The following RASGRF2 variants were observed in gnomAD, a reference collection of about 807,000 sequenced individuals.
The protein encoded by RASGRF2 is ras-specific guanine nucleotide-releasing factor 2.
Under a neutral mutation model 151.0 loss-of-function variants are expected in RASGRF2, and 76 were observed. That is an observed-to-expected ratio of 0.50 (90% CI 0.42 to 0.61). RASGRF2 has a LOEUF of 0.61. RASGRF2 is among the 20% of genes least tolerant of loss of function. RASGRF2 has a pLI of 0.00. For synonymous variants in RASGRF2, 504 were observed against 566.5 expected (o/e 0.89, Z 1.57); for missense variants, 1,148 against 1,564.6 (o/e 0.73, Z 4.49).
At chr5:81,105,382 T>A (rs1752818202) in intron 12 of RASGRF2, among the ~76,000 whole-genome samples, 1 of 152,146 alleles carries the variant, frequency 6.6e-6, no homozygotes, top group African/African-American at 2.4e-5. Flanking sequence ...GACCCAGGTC[T>A]GTGACTCTGG....
chr5:81,099,900 C>CTT (rs1009618364), intron 12 of RASGRF2, among the ~76,000 whole-genome samples: 1 of 127,644 alleles, frequency 7.8e-6, no homozygotes, highest in African/African-American at 3.1e-5. Context: ...CACTATTTTT[C>CTT]TTTTTTCTTT....
At position 80,961,150 on chromosome 5, in the gene RASGRF2, C is replaced by T. The variant is rs1747539934; in HGVS notation, c.288+124C>T. The T allele has an allele frequency of 7.9e-6, 9 of 1,145,160 alleles. No homozygotes were observed. In the African/African-American group the frequency reaches 1.3e-4, roughly 16 times the overall value. The allele number at this position is 1,145,160 out of a possible 1,614,324, so 70.9% of individuals were successfully genotyped here. On this transcript the variant is annotated intron_variant, in intron 1 of 26. Transcript: ENST00000265080. ...CGGGGACTATGCTCCGAAATCCCCC[C>T]GCGTCACCAGTGGCGGGACATCTCC...
At chr5:81,154,644 C>T (rs935164282) in intron 17 of RASGRF2, among the ~76,000 whole-genome samples, 9 of 152,060 alleles carry the variant, frequency 5.9e-5, no homozygotes, top group East Asian at 5.8e-4. Flanking sequence ...AGGTATGTTT[C>T]GAGAACACAG....
At position 81,094,964 on chromosome 5, in the gene RASGRF2, A is replaced by C; in HGVS notation, c.1727A>C (p.Lys576Thr). The C allele has an allele frequency of 6.4e-7, 1 of 1,573,390 alleles. No individual in the cohort carries two copies. The highest frequency in any genetic ancestry group is 8.6e-7 in the Non-Finnish European group (1 of 1,159,546). The change falls in exon 12 of 27, where the codon AAA becomes ACA. Residue 576 changes from lysine to threonine, a missense_variant. Lys to Thr is a moderately conservative substitution (Grantham distance 78, BLOSUM62 -1). Coordinates refer to ENST00000265080, the MANE Select transcript of RASGRF2 (RefSeq NM_006909.3). ...VVLLAPSRQE[K>T]AAWMSDISQC... ...TTGTTAGCACCCTCACGCCAGGAGAAAGCTGCCTGGATGAGTGACATCAGT... is the reference window on the plus strand; with the variant it reads ...TTGTTAGCACCCTCACGCCAGGAGACAGCTGCCTGGATGAGTGACATCAGT...
rs1753027668 is a variant in RASGRF2, at chr5:81,112,603, C to A, written c.1839-7C>A. 1 of 1,614,040 alleles carries A rather than the reference C, an allele frequency of 6.2e-7. No individual in the cohort carries two copies. Among genetic ancestry groups the A allele is most frequent in the Non-Finnish European group, 8.5e-7 (1 of 1,179,932 alleles). ...TTTTACCATCATGTTCCTGCCTTTG[C>A]ACGTAGGTCTGATGCCCGTCTTCAT... On this transcript the variant is annotated splice_polypyrimidine_tract_variant and splice_region_variant and intron_variant, in intron 13 of 26. Coordinates refer to ENST00000265080, the MANE Select transcript of RASGRF2 (RefSeq NM_006909.3).
intron 13 of RASGRF2, 74 bp downstream of exon 13, chr5:81,109,152 A>G (rs1160089326): frequency 6.5e-7 from 1 of 1,532,162 alleles, no homozygotes; most frequent in East Asian, 2.3e-5. Flanking sequence ...CTTGAATAAA[A>G]TACTGTGTCA....
At position 81,225,920 on chromosome 5, in the gene RASGRF2, G is replaced by A. The variant is rs1004753483; in HGVS notation, c.*150G>A. ...ACCAGACTGGAATTCTGTCTCCAGA[G>A]AGAAACCCAGCTGTTTGGGTCAAAG... On this transcript the variant is annotated 3_prime_UTR_variant, in exon 27 of 27. Coordinates refer to ENST00000265080, the MANE Select transcript of RASGRF2 (RefSeq NM_006909.3). The A allele has an allele frequency of 5.8e-5, 47 of 813,982 alleles. No individual in the cohort carries two copies. Among genetic ancestry groups the A allele is most frequent in the Admixed American group, 1.2e-4 (3 of 25,692 alleles). The allele number at this position is 813,982 out of a possible 1,614,324, so 50.4% of individuals were successfully genotyped here.
chr5:81,110,356 T>A (rs911741579), intron 13 of RASGRF2, among the ~76,000 whole-genome samples: 6 of 152,188 alleles, frequency 3.9e-5, no homozygotes, highest in African/African-American at 1.2e-4. Context: ...TGAGTGTCTC[T>A]TAGGAAATAA....
intron 1 of RASGRF2, among the ~76,000 whole-genome samples, chr5:80,978,764 G>A (rs1322165792): frequency 6.6e-6 from 1 of 151,814 alleles, no homozygotes; most frequent in Non-Finnish European, 1.5e-5. Flanking sequence ...TCCAGCCTGG[G>A]TGACAAGAGT....
chr5:81,010,988 A>G (rs563749707), intron 1 of RASGRF2, among the ~76,000 whole-genome samples: 1 of 152,364 alleles, frequency 6.6e-6, no homozygotes, highest in South Asian at 2.1e-4. Flanking sequence ...AAGCAGGAAA[A>G]TGTTCAGTAA....
intron 1 of RASGRF2, among the ~76,000 whole-genome samples, chr5:80,989,060 C>T (rs940236758): frequency 2.6e-5 from 4 of 151,988 alleles, no homozygotes; most frequent in African/African-American, 9.7e-5. Flanking sequence ...TCACTGCAAC[C>T]TCCACCTCCG....
chr5:81,090,567 A>G (rs1043504873), intron 9 of RASGRF2, among the ~76,000 whole-genome samples: 1 of 152,154 alleles, frequency 6.6e-6, no homozygotes, highest in Admixed American at 6.5e-5. Flanking sequence ...ATAGTGTTGC[A>G]ATTTCTCACT....
chr5:81,051,832 T>C (rs896041679), intron 2 of RASGRF2, among the ~76,000 whole-genome samples: 1 of 152,216 alleles, frequency 6.6e-6, no homozygotes, highest in Non-Finnish European at 1.5e-5. Flanking sequence ...CTTGGGTATA[T>C]GCCCAGGAGT....
At chr5:81,035,235 G>T (rs1228499760) in intron 1 of RASGRF2, among the ~76,000 whole-genome samples, 3 of 152,134 alleles carry the variant, frequency 2.0e-5, no homozygotes, top group Middle Eastern at 3.2e-3. Flanking sequence ...ATGATAGACT[G>T]GATTAAGAAA....
chr5:81,129,140 G>A (rs931810771), intron 17 of RASGRF2, among the ~76,000 whole-genome samples: 1 of 152,202 alleles, frequency 6.6e-6, no homozygotes, highest in South Asian at 2.1e-4. Context: ...AAGTAAATAA[G>A]TAAATAAATA....
chr5:81,207,367 C>G lies in RASGRF2; in HGVS notation c.3071+18C>G. The G allele has an allele frequency of 6.2e-7, 1 of 1,600,568 alleles. No homozygotes were observed. The highest frequency in any genetic ancestry group is 1.7e-5 in the Admixed American group (1 of 59,956). On this transcript the variant is annotated intron_variant, in intron 21 of 26. Coordinates refer to ENST00000265080, the MANE Select transcript of RASGRF2 (RefSeq NM_006909.3). ...CCCTACGAGTGAGTGCCACCCCCCA[C>G]AGCAGCAGGGCTCGGCTGCTCTAGC...
At chr5:80,966,996 A>C (rs1747743573) in intron 1 of RASGRF2, among the ~76,000 whole-genome samples, 2 of 152,230 alleles carry the variant, frequency 1.3e-5, no homozygotes, top group African/African-American at 2.4e-5. Context: ...ATATAAGAAT[A>C]ATTTACAGCT....
At chr5:81,163,235 G>A (rs558337069) in intron 17 of RASGRF2, among the ~76,000 whole-genome samples, 4 of 152,108 alleles carry the variant, frequency 2.6e-5, no homozygotes, top group South Asian at 2.1e-4. Flanking sequence ...CCTCACTTCC[G>A]TCTTCTGGGC....
chr5:81,125,150 G>C (rs1561219592), intron 16 of RASGRF2, among the ~76,000 whole-genome samples: 1 of 152,184 alleles, frequency 6.6e-6, no homozygotes, highest in Non-Finnish European at 1.5e-5. Context: ...GCCTCTCAAA[G>C]TGTTGAGATT....
Sources: gnomAD v4.1 joint callset for allele counts (sites outside exome capture counted in the v4.1 genomes callset) on GRCh38, gnomAD v4.1.1 for gene constraint, MANE v1.5 for transcripts, NCBI Gene and HGNC (gene_info 2026-07-23, HGNC 2026-07-21) for gene names.